NCEH1: variants seen among roughly 807,000 people sequenced by gnomAD.
NCEH1 encodes the protein neutral cholesterol ester hydrolase 1, also known as 2-acetyl MAGE hydrolase.
NCEH1 carries 9 observed loss-of-function variants against 25.4 expected under a neutral mutation model. The observed-to-expected ratio is 0.35, with a 90% CI of 0.21 to 0.62. The LOEUF is 0.62. NCEH1 is among the 20% of genes least tolerant of loss of function. The probability of loss-of-function intolerance (pLI) is 0.72; values close to 1 mark genes in which losing one functional copy is unlikely to be tolerated. For missense variants in NCEH1, 412 were observed against 501.1 expected, an observed-to-expected ratio of 0.82 and a Z score of 1.70; for synonymous variants, 200 against 199.8, an observed-to-expected ratio of 1.00 and a Z score of -0.01.
At chr3:172,704,305 G>A (rs557446957) in intron 1 of NCEH1, among the ~76,000 whole-genome samples, 4 of 152,212 alleles carry the variant, frequency 2.6e-5, no homozygotes, top group Non-Finnish European at 5.9e-5. Context: ...GGAACACTCA[G>A]CATAAATACC....
chr3:172,670,050 T>C (rs1711522890), intron 1 of NCEH1, among the ~76,000 whole-genome samples: 1 of 152,254 alleles, frequency 6.6e-6, no homozygotes, highest in Non-Finnish European at 1.5e-5. Flanking sequence ...TTTGTTAATA[T>C]TGTCTAAGAC....
At position 172,648,252 on chromosome 3, in the gene NCEH1, CA is replaced by C. The variant is rs1717218878; in HGVS notation, c.139-139del. On this transcript the variant is annotated intron_variant, in intron 1 of 4. Transcript: ENST00000475381. ...GAGGGCTCATTGAGCCCTTTTAATA[CA>C]AAAACCAATTGTATTTACCTTTTGC... 3 of 962,614 alleles carry C rather than the reference CA, an allele frequency of 3.1e-6. No homozygotes were observed. In the South Asian group the frequency reaches 5.1e-5, roughly 16 times the overall value. 59.6% of individuals were successfully genotyped at this position (962,614 alleles called of 1,614,324 possible). A position where few individuals can be genotyped will look rare whatever the true frequency, so the allele number is the denominator to read the frequency against.
rs148788052 is a variant in NCEH1, at chr3:172,682,634, A to G, written c.138+28213T>C. The stretch of plus-strand genomic sequence containing the variant: ...CCACTGCAGAACAATGCTTTAGTGA[A>G]GAAGGATGTATAACGTATGTTACCT... On this transcript the variant is annotated intron_variant, in intron 1 of 4. Coordinates refer to ENST00000475381, the MANE Select transcript of NCEH1 (RefSeq NM_020792.6). 2.1e-3 allele frequency among the ~76,000 whole-genome samples: 320 copies of G among 152,350 alleles called. 2 individuals carry two copies. Among genetic ancestry groups the G allele is most frequent in the African/African-American group, 7.3e-3 (305 of 41,582 alleles).
chr3:172,658,797 G>A (rs1717823475), intron 1 of NCEH1, among the ~76,000 whole-genome samples: 1 of 148,336 alleles, frequency 6.7e-6, no homozygotes, highest in Admixed American at 6.7e-5. Flanking sequence ...TTCAGTCTCA[G>A]GAAGGGCAAA....
At position 172,645,614 on chromosome 3, in the gene NCEH1, A is replaced by AT. The variant is rs1465481831; in HGVS notation, c.437+8dup. On this transcript the variant is annotated intron_variant, in intron 3 of 4. Transcript: ENST00000475381. ...GAAAAATTTTCTATGACTAGCATTA[A>AT]TTACTTACTCAATGGAAACAATGAC... The AT allele has an allele frequency of 2.2e-5, 34 of 1,570,618 alleles. 1 individual carries two copies. In the Admixed American group the frequency reaches 5.9e-4, roughly 27 times the overall value.
rs558370057 is a variant in NCEH1, at chr3:172,675,965, T to C, written c.139-27851A>G. 7.2e-5 allele frequency among the ~76,000 whole-genome samples: 11 copies of C among 152,280 alleles called. No homozygotes were observed. In the East Asian group the frequency reaches 9.6e-4, roughly 13 times the overall value. ...CGCCTAGAAGCAATTAAACTCCAAA[T>C]GGTACTGCAAGCAGAACCACACATG... is the stretch of plus-strand genomic sequence containing the variant. On this transcript the variant is annotated intron_variant, in intron 1 of 4. Coordinates refer to ENST00000475381, the MANE Select transcript of NCEH1 (RefSeq NM_020792.6).
intron 1 of NCEH1, among the ~76,000 whole-genome samples, chr3:172,689,665 T>C (rs1419399707): frequency 1.4e-5 from 2 of 146,042 alleles, no homozygotes; most frequent in African/African-American, 5.0e-5. Flanking sequence ...GAGCTGAGAT[T>C]GTACCACTGC....
chr3:172,641,145 T>A (rs766393334), intron 3 of NCEH1, among the ~76,000 whole-genome samples: 1 of 152,130 alleles, frequency 6.6e-6, no homozygotes, highest in South Asian at 2.1e-4. Context: ...AAAAAAATAC[T>A]CTATTATAGT....
At chr3:172,635,452 A>G (rs1339289805) in intron 4 of NCEH1, among the ~76,000 whole-genome samples, 2 of 152,252 alleles carry the variant, frequency 1.3e-5, no homozygotes, top group Non-Finnish European at 2.9e-5. Flanking sequence ...TTGTAAGATA[A>G]TATTTAAATG....
intron 1 of NCEH1, among the ~76,000 whole-genome samples, chr3:172,671,506 T>TACACATAC (rs1553834577): frequency 3.5e-5 from 5 of 143,166 alleles, no homozygotes; most frequent in African/African-American, 1.1e-4. Flanking sequence ...CACATACACA[T>TACACATAC]ACACACACAC....
At chr3:172,697,568 C>T (rs1367043293) in intron 1 of NCEH1, among the ~76,000 whole-genome samples, 2 of 151,934 alleles carry the variant, frequency 1.3e-5, no homozygotes, top group African/African-American at 4.8e-5. Context: ...TATTAGCATC[C>T]TCCAGGACTA....
intron 1 of NCEH1, among the ~76,000 whole-genome samples, chr3:172,674,508 C>G (rs917401718): frequency 4.0e-5 from 6 of 149,058 alleles, no homozygotes; most frequent in Non-Finnish European, 7.4e-5. Flanking sequence ...TTTACCCCAA[C>G]AGATACTTTT....
chr3:172,655,369 G>A (rs531161532), intron 1 of NCEH1, among the ~76,000 whole-genome samples: 1 of 152,348 alleles, frequency 6.6e-6, no homozygotes, highest in South Asian at 2.1e-4. Flanking sequence ...AAATCTGGTG[G>A]CGCACTGGCT....
chr3:172,657,375 T>C lies in NCEH1; in HGVS notation c.139-9261A>G, dbSNP rs73880220. On this transcript the variant is annotated intron_variant, in intron 1 of 4. Transcript: ENST00000475381. The stretch of plus-strand genomic sequence containing the variant: ...CCCCTAGAGCAATTAACGACACAAA[T>C]TCTCAATTATCTAACCATAAGTCTA... Among the ~76,000 whole-genome samples, 1,379 of 152,228 alleles carry C rather than the reference T, an allele frequency of 9.1e-3. 21 individuals are homozygous for C. Among genetic ancestry groups the C allele is most frequent in the African/African-American group, 0.032 (1,333 of 41,524 alleles).
At chr3:172,690,747 T>G (rs1489793629) in intron 1 of NCEH1, among the ~76,000 whole-genome samples, 2 of 152,172 alleles carry the variant, frequency 1.3e-5, no homozygotes, top group Non-Finnish European at 2.9e-5. Flanking sequence ...ATGCAGTAAT[T>G]TGACAAATCC....
At chr3:172,642,879 G>C (rs536703823) in intron 3 of NCEH1, among the ~76,000 whole-genome samples, 1 of 152,306 alleles carries the variant, frequency 6.6e-6, no homozygotes, top group East Asian at 1.9e-4. Context: ...AGATGCAAAG[G>C]AAGGAAGACG....
intron 1 of NCEH1, among the ~76,000 whole-genome samples, chr3:172,658,752 G>GT (rs892710879): frequency 6.8e-6 from 1 of 148,134 alleles, no homozygotes; most frequent in African/African-American, 2.5e-5. Context: ...AAAACATTTG[G>GT]TTTTTTTCCT....
At chr3:172,703,460 G>A (rs7645656) in intron 1 of NCEH1, among the ~76,000 whole-genome samples, 17,349 of 147,848 alleles carry the variant, frequency 0.12, 1,500 homozygotes, top group African/African-American at 0.24. Context: ...CCTGGGAGGC[G>A]GAGGTTGCAG....
intron 1 of NCEH1, among the ~76,000 whole-genome samples, chr3:172,658,025 T>C (rs1560188599): frequency 6.6e-6 from 1 of 152,168 alleles, no homozygotes; most frequent in Non-Finnish European, 1.5e-5. Flanking sequence ...CATTCTCAGA[T>C]GGTTAAGGCA....
Sources: gnomAD v4.1 joint callset for allele counts (sites outside exome capture counted in the v4.1 genomes callset) on GRCh38, gnomAD v4.1.1 for gene constraint, MANE v1.5 for transcripts, NCBI Gene and HGNC (gene_info 2026-07-23, HGNC 2026-07-21) for gene names.